The following ENAH variants were observed in gnomAD, a reference collection of about 807,000 sequenced individuals.
ENAH encodes the protein ENAH actin regulator.
A neutral mutation model predicts 78.7 loss-of-function variants in ENAH; 23 were observed. The ratio of observed to expected loss-of-function variants is 0.29; its 90% CI spans 0.21 to 0.41. The LOEUF is 0.41. Among genes scored for constraint, ENAH ranks in the 10% least tolerant of loss-of-function variants. ENAH has a pLI of 1.00. For synonymous variants in ENAH, 226 were observed against 241.0 expected (o/e 0.94, Z 0.58); for missense variants, 544 against 691.0 (o/e 0.79, Z 2.39).
chr1:225,543,792 T>A (rs1317994951), intron 3 of ENAH, among the ~76,000 whole-genome samples: 2 of 152,206 alleles, frequency 1.3e-5, no homozygotes, highest in Non-Finnish European at 2.9e-5. Flanking sequence ...TATGTATTAA[T>A]GAAATAATGT....
chr1:225,507,560 A>G (rs2096342666), intron 11 of ENAH, among the ~76,000 whole-genome samples: 1 of 152,146 alleles, frequency 6.6e-6, no homozygotes. Context: ...TCAGAGGGGA[A>G]AAAAGTGTGG....
chr1:225,543,044 TTTATTC>T (rs2096597201), intron 3 of ENAH, among the ~76,000 whole-genome samples: 1 of 151,890 alleles, frequency 6.6e-6, no homozygotes, highest in Non-Finnish European at 1.5e-5. Context: ...AGTTCTGTAC[TTTATTC>T]TAAGATTGAT....
intron 1 of ENAH, among the ~76,000 whole-genome samples, chr1:225,588,756 G>C (rs922946176): frequency 1.4e-5 from 2 of 143,840 alleles, no homozygotes; most frequent in African/African-American, 5.2e-5. Context: ...AGTGAGCCGA[G>C]GTCGTGCCAC....
rs996119686 is a variant in ENAH at position 225,495,985 on chromosome 1, C to T, written c.*1790G>A. On this transcript the variant is annotated 3_prime_UTR_variant, in exon 14 of 14. Coordinates refer to ENST00000366843, the MANE Select transcript of ENAH (RefSeq NM_018212.6). ...AGTGGTAAAGGCTGCAAATTTGCAGCGTTTAGAAAACTACACTATCAACAA... is the reference window on the plus strand; with the variant it reads ...AGTGGTAAAGGCTGCAAATTTGCAGTGTTTAGAAAACTACACTATCAACAA... The T allele has an allele frequency of 5.2e-5, 8 of 152,482 alleles. No homozygotes were observed. The highest frequency in any genetic ancestry group is 1.9e-4 in the East Asian group (1 of 5,202). The allele number at this position is 152,482 out of a possible 1,614,324, so 9.4% of individuals were successfully genotyped here.
rs1252866953 is a variant in ENAH at position 225,489,852 on chromosome 1, G to A, written c.*7923C>T. ...TAGTCCCAGCTACTAAGGAGGCTGA[G>A]GTAGGAGAATCGCTTGAACCCGGGA... On this transcript the variant is annotated 3_prime_UTR_variant, in exon 14 of 14. Coordinates refer to ENST00000366843, the MANE Select transcript of ENAH (RefSeq NM_018212.6). The A allele has an allele frequency of 6.6e-6, 1 of 152,262 alleles. No homozygotes were observed. Among genetic ancestry groups the A allele is most frequent in the Admixed American group, 6.5e-5 (1 of 15,288 alleles). 9.4% of individuals were successfully genotyped at this position (152,262 alleles called of 1,614,324 possible). A position where few individuals can be genotyped will look rare whatever the true frequency, so the allele number is the denominator to read the frequency against.
chr1:225,499,191 T>C (rs1321899354), intron 12 of ENAH, among the ~76,000 whole-genome samples: 1 of 152,074 alleles, frequency 6.6e-6, no homozygotes, highest in African/African-American at 2.4e-5. Context: ...TTTGTATTTT[T>C]AAAATGCAGC....
At chr1:225,500,512 TAAATA>T (rs1176974618) in intron 12 of ENAH, among the ~76,000 whole-genome samples, 1 of 152,232 alleles carries the variant, frequency 6.6e-6, no homozygotes, top group Non-Finnish European at 1.5e-5. Context: ...ATATTTTCTT[TAAATA>T]AATTCCTGGA....
chr1:225,633,042 T>C (rs954833660), intron 1 of ENAH, among the ~76,000 whole-genome samples: 4 of 151,094 alleles, frequency 2.6e-5, no homozygotes, highest in African/African-American at 9.7e-5. Context: ...TCAAAGTCTT[T>C]TTTTTTTTTT....
At chr1:225,509,463 T>G (rs1205662165) in intron 10 of ENAH, among the ~76,000 whole-genome samples, 2 of 152,200 alleles carry the variant, frequency 1.3e-5, no homozygotes, top group East Asian at 3.9e-4. Flanking sequence ...GCTGGCCCTG[T>G]GGAAGCTGAG....
At chr1:225,621,268 T>C (rs1314350081) in intron 1 of ENAH, among the ~76,000 whole-genome samples, 1 of 151,808 alleles carries the variant, frequency 6.6e-6, no homozygotes, top group Non-Finnish European at 1.5e-5. Flanking sequence ...AGTATGGCCA[T>C]GGGAATTACT....
intron 2 of ENAH, among the ~76,000 whole-genome samples, chr1:225,556,653 G>A (rs1366930792): frequency 1.3e-5 from 2 of 151,920 alleles, no homozygotes; most frequent in Non-Finnish European, 2.9e-5. Context: ...CACTCTTAAC[G>A]GTGTCTTGAT....
intron 5 of ENAH, among the ~76,000 whole-genome samples, chr1:225,518,326 T>C (rs952465354): frequency 2.0e-5 from 3 of 152,246 alleles, no homozygotes; most frequent in African/African-American, 7.2e-5. Flanking sequence ...TAAAATCACA[T>C]GAATAGGACC....
At chr1:225,542,936 T>C (rs949843449) in intron 3 of ENAH, among the ~76,000 whole-genome samples, 7 of 152,066 alleles carry the variant, frequency 4.6e-5, no homozygotes, top group East Asian at 1.9e-4. Context: ...GGAGGATCCT[T>C]TGAGTGCAGG....
At chr1:225,583,020 G>A (rs553582924) in intron 1 of ENAH, among the ~76,000 whole-genome samples, 131 of 152,256 alleles carry the variant, frequency 8.6e-4, no homozygotes, top group Non-Finnish European at 1.5e-3. Context: ...TTGTACTGCA[G>A]AAACAAAAGA....
At chr1:225,625,474 T>C (rs1657781756) in intron 1 of ENAH, among the ~76,000 whole-genome samples, 1 of 152,178 alleles carries the variant, frequency 6.6e-6, no homozygotes, top group Non-Finnish European at 1.5e-5. Flanking sequence ...ACAAACTCTA[T>C]GGTCCTGTCA....
At chr1:225,649,564 T>C (rs1424332778) in intron 1 of ENAH, among the ~76,000 whole-genome samples, 1 of 152,314 alleles carries the variant, frequency 6.6e-6, no homozygotes, top group South Asian at 2.1e-4. Context: ...AAAATAAGAA[T>C]AGAACTAAAC....
intron 1 of ENAH, among the ~76,000 whole-genome samples, chr1:225,568,338 C>G (rs2096744567): frequency 6.6e-6 from 1 of 152,044 alleles, no homozygotes; most frequent in African/African-American, 2.4e-5. Flanking sequence ...CAAGACCAGC[C>G]TGGGCAATAT....
At chr1:225,569,206 G>A (rs375224837) in intron 1 of ENAH, among the ~76,000 whole-genome samples, 1 of 152,226 alleles carries the variant, frequency 6.6e-6, no homozygotes, top group African/African-American at 2.4e-5. Context: ...ACTGCTAAAT[G>A]TAAATAATTC....
chr1:225,532,905 T>C (rs1004937455), intron 3 of ENAH, among the ~76,000 whole-genome samples: 3 of 152,078 alleles, frequency 2.0e-5, no homozygotes, highest in Admixed American at 1.3e-4. Context: ...ATTTTGATCC[T>C]AGAACAACTC....
Sources: allele counts gnomAD v4.1 joint callset (sites outside exome capture counted in the v4.1 genomes callset), GRCh38; gene constraint gnomAD v4.1.1; transcripts MANE v1.5; gene names NCBI Gene and HGNC (gene_info 2026-07-23, HGNC 2026-07-21).